CC2D2A: variants seen among roughly 807,000 people sequenced by gnomAD.
CC2D2A encodes coiled-coil and C2 domain-containing protein 2A.
A neutral mutation model predicts 212.9 loss-of-function variants in CC2D2A; 155 were observed. The ratio of observed to expected loss-of-function variants is 0.73; its 90% CI spans 0.64 to 0.83. The LOEUF (loss-of-function observed/expected upper bound fraction) is 0.83. CC2D2A is among the 40% of genes least tolerant of loss of function. The pLI, the probability that CC2D2A is intolerant of heterozygous loss-of-function variation, is 0.00. For missense variants in CC2D2A, 1,856 were observed against 1,956.2 expected (o/e 0.95, Z 0.97); for synonymous variants, 667 against 686.5 (o/e 0.97, Z 0.44).
intron 4 of CC2D2A, among the ~76,000 whole-genome samples, chr4:15,495,085 T>A (rs1240757177): frequency 6.6e-6 from 1 of 152,094 alleles, no homozygotes; most frequent in Non-Finnish European, 1.5e-5. Context: ...CCCTCCACCC[T>A]CAAATACCCA....
At chr4:15,501,723 A>G (rs1715964084) in intron 4 of CC2D2A, among the ~76,000 whole-genome samples, 1 of 152,130 alleles carries the variant, frequency 6.6e-6, no homozygotes, top group Non-Finnish European at 1.5e-5. Flanking sequence ...AGAGCCATTT[A>G]TCACGCAGGA....
intron 5 of CC2D2A, 21 bp from the exon 6 acceptor site, chr4:15,502,801 A>T (rs1716035382): frequency 6.3e-7 from 1 of 1,586,646 alleles, no homozygotes; most frequent in Non-Finnish European, 8.6e-7. Context: ...TGTAGCAGTA[A>T]ATTTCTGTTT....
In CC2D2A at chr4:15,542,139, A is replaced by G. The variant is rs1425713792; in HGVS notation, c.2181+1125A>G. Among the ~76,000 whole-genome samples the G allele has an allele frequency of 2.6e-5, 4 of 152,164 alleles. No individual in the cohort carries two copies. The East Asian group carries it at 5.8e-4, about 22-fold the overall frequency. On this transcript the variant is annotated intron_variant, in intron 17 of 36. Coordinates refer to ENST00000424120, the MANE Select transcript of CC2D2A (RefSeq NM_001378615.1). ...TTAGGGCCCACCCTAATCTAATATGATCTTATCTTCATCCTTAACTAATGA... is the reference window on the plus strand; with the variant it reads ...TTAGGGCCCACCCTAATCTAATATGGTCTTATCTTCATCCTTAACTAATGA...
chr4:15,536,306 C>T (rs375527374), intron 14 of CC2D2A, among the ~76,000 whole-genome samples: 16 of 15,226 alleles, frequency 1.1e-3, no homozygotes, highest in African/African-American at 4.5e-3. Flanking sequence ...CAGGGCCTGT[C>T]GGGGGTGGGA....
intron 30 of CC2D2A, among the ~76,000 whole-genome samples, chr4:15,584,539 A>G (rs559454638): frequency 6.6e-6 from 1 of 152,346 alleles, no homozygotes; most frequent in South Asian, 2.1e-4. Context: ...AACTGAAACT[A>G]TGAAACTATT....
chr4:15,554,206 AG>A, intron 19 of CC2D2A, among the ~76,000 whole-genome samples: 1 of 152,334 alleles, frequency 6.6e-6, no homozygotes, highest in East Asian at 1.9e-4. Context: ...ATTTAGTGCT[AG>A]AAAAATCTCC....
intron 16 of CC2D2A, 144 bp downstream of exon 16, chr4:15,538,281 T>A (rs1718245276): frequency 4.3e-6 from 4 of 935,406 alleles, no homozygotes; most frequent in Non-Finnish European, 6.1e-6. Context: ...TCTAAATGAA[T>A]ATTAGGTTGA....
At chr4:15,541,182 G>C (rs1451885451) in intron 17 of CC2D2A, among the ~76,000 whole-genome samples, 168 bp downstream of exon 17, 1 of 151,980 alleles carries the variant, frequency 6.6e-6, no homozygotes, top group South Asian at 2.1e-4. Context: ...AGCCAAGTGT[G>C]CTGGCGGGTG....
chr4:15,575,559 A>G (rs1577389267), intron 29 of CC2D2A, among the ~76,000 whole-genome samples: 1 of 152,354 alleles, frequency 6.6e-6, no homozygotes, highest in East Asian at 1.9e-4. Context: ...AGACTTAGAT[A>G]GAGATGGAAA....
intron 17 of CC2D2A, among the ~76,000 whole-genome samples, chr4:15,547,242 G>T (rs1199880969): frequency 6.6e-6 from 1 of 152,114 alleles, no homozygotes; most frequent in Non-Finnish European, 1.5e-5. Flanking sequence ...TACATGAATA[G>T]AATGTATAAT....
chr4:15,470,649 A>ATCTCTCTC lies in CC2D2A; in HGVS notation c.-19+626_-19+633dup, dbSNP rs56039505. ...CAAATAAATTCAGCACCAGCATGAA[A>ATCTCTCTC]TCTCTCTCTCTCTCTCTCTCTCTCT... On this transcript the variant is annotated intron_variant, in intron 1 of 36. Transcript: ENST00000424120. Among the ~76,000 whole-genome samples the ATCTCTCTC allele has an allele frequency of 2.3e-3, 222 of 98,514 alleles. 6 individuals are homozygous for ATCTCTCTC. Among genetic ancestry groups the ATCTCTCTC allele is most frequent in the African/African-American group, 6.2e-3 (95 of 15,438 alleles). 64.6% of individuals were successfully genotyped at this position (98,514 alleles called of 152,430 possible).
intron 34 of CC2D2A, 115 bp downstream of exon 34, chr4:15,596,322 C>G: frequency 8.0e-6 from 7 of 872,634 alleles, no homozygotes; most frequent in Non-Finnish European, 9.5e-6. Flanking sequence ...GTTTATCAAA[C>G]GCATCTGAGC....
At chr4:15,570,554 T>G (rs1720110825) in intron 28 of CC2D2A, 58 bp downstream of exon 28, 3 of 1,262,808 alleles carry the variant, frequency 2.4e-6, no homozygotes, top group Non-Finnish European at 3.4e-6. Flanking sequence ...CCATTTTTCC[T>G]ATTAAAACGT....
chr4:15,555,346 G>A (rs1560180322), intron 20 of CC2D2A, 136 bp downstream of exon 20: 1 of 1,121,698 alleles, frequency 8.9e-7, no homozygotes, highest in Non-Finnish European at 1.3e-6. Flanking sequence ...TTCCAGCTGT[G>A]CTTCTTGCCT....
chr4:15,486,965 T>C (rs1484412580), intron 4 of CC2D2A, among the ~76,000 whole-genome samples: 1 of 152,096 alleles, frequency 6.6e-6, no homozygotes, highest in Non-Finnish European at 1.5e-5. Flanking sequence ...AGAGTTTCTC[T>C]TGTTATTGAT....
At chr4:15,519,777 G>A (rs768625695) in intron 11 of CC2D2A, 32 of 360,728 alleles carry the variant, frequency 8.9e-5, no homozygotes, top group East Asian at 5.5e-4. Context: ...TCATAAGAAC[G>A]GCGCAGGAAA....
chr4:15,487,406 C>G (rs1290260540), intron 4 of CC2D2A, among the ~76,000 whole-genome samples: 1 of 152,000 alleles, frequency 6.6e-6, no homozygotes, highest in Non-Finnish European at 1.5e-5. Context: ...CCTTCTTTGT[C>G]TCTTTTTACA....
intron 16 of CC2D2A, among the ~76,000 whole-genome samples, chr4:15,540,040 C>CT: frequency 6.6e-6 from 1 of 152,128 alleles, no homozygotes. Flanking sequence ...GCCACTGAAT[C>CT]ATACACTTAA....
Position 15,580,064 on chromosome 4 carries a change from G to T in CC2D2A, c.3868G>T (p.Val1290Leu). The T allele has an allele frequency of 3.1e-6, 5 of 1,613,912 alleles. No individual in the cohort carries two copies. Among genetic ancestry groups the T allele is most frequent in the Non-Finnish European group, 4.2e-6 (5 of 1,179,832 alleles). ...KFPNRQCLTTVIDISGKTVFI... is the reference protein window; with the variant it reads ...KFPNRQCLTTLIDISGKTVFI... The stretch of plus-strand genomic sequence containing the variant: ...TCCAAATCGTCAGTGCCTTACAACA[G>T]TAATTGATATAAGCGGAAAAACTGT... The change falls in exon 30 of 37, where the codon GTA becomes TTA. Residue 1290 changes from valine (V) to leucine (L), a missense_variant. Physicochemically the swap from Val to Leu is conservative, Grantham distance 32. This residue lies in a region of CC2D2A where 1,512 missense variants were observed against 1,579.3 expected (regional missense o/e 0.96). Transcript: ENST00000424120.
Sources: allele counts gnomAD v4.1 joint callset (sites outside exome capture counted in the v4.1 genomes callset), GRCh38; gene constraint gnomAD v4.1.1; regional missense constraint gnomAD v4.1.1; transcripts MANE v1.5; gene names NCBI Gene and HGNC (gene_info 2026-07-23, HGNC 2026-07-21).